Variants in CDH7 observed in about 807,000 individuals in gnomAD.
The protein encoded by CDH7 is cadherin 7, also known as cadherin-7.
A neutral mutation model predicts 71.8 loss-of-function variants in CDH7; 25 were observed. That is an observed-to-expected ratio of 0.35 (90% CI 0.25 to 0.49). The LOEUF is 0.49. Among genes scored for constraint, CDH7 ranks in the 20% least tolerant of loss-of-function variants. The pLI, the probability that CDH7 is intolerant of heterozygous loss-of-function variation, is 0.99. For missense variants in CDH7, 862 were observed against 974.6 expected (o/e 0.88, Z 1.54); for synonymous variants, 381 against 363.8 (o/e 1.05, Z -0.54).
rs149626265 is a variant in CDH7 at position 65,848,214 on chromosome 18, A to G, written c.1235+4149A>G. ...GGTAAAAGATGTAAGAACAGCCTAG[A>G]GTCTAGAGGATTTGACTCATTTCTC... On this transcript the variant is annotated intron_variant, in intron 7 of 11. Coordinates refer to ENST00000397968, the MANE Select transcript of CDH7 (RefSeq NM_004361.5). Among the ~76,000 whole-genome samples the G allele has an allele frequency of 1.9e-3, 288 of 152,278 alleles. 3 individuals are homozygous for G. The highest frequency in any genetic ancestry group is 6.5e-3 in the African/African-American group (271 of 41,562).
chr18:65,820,930 G>C (rs1168712454), intron 4 of CDH7, among the ~76,000 whole-genome samples: 2 of 151,794 alleles, frequency 1.3e-5, no homozygotes, highest in African/African-American at 4.8e-5. Context: ...ATATTAGAAG[G>C]AAAAATGAGA....
intron 11 of CDH7, among the ~76,000 whole-genome samples, chr18:65,872,867 A>T (rs1009567834): frequency 6.6e-6 from 1 of 152,118 alleles, no homozygotes; most frequent in Admixed American, 6.6e-5. Flanking sequence ...CCTGGGTGAC[A>T]GAGTGAGAAA....
intron 2 of CDH7, among the ~76,000 whole-genome samples, chr18:65,764,705 C>A (rs937026832): frequency 6.6e-6 from 1 of 151,902 alleles, no homozygotes; most frequent in Non-Finnish European, 1.5e-5. Context: ...TATTTTGTGA[C>A]AATGTAAAAT....
intron 2 of CDH7, among the ~76,000 whole-genome samples, chr18:65,786,749 T>A (rs1327510686): frequency 6.6e-6 from 1 of 152,070 alleles, no homozygotes; most frequent in Non-Finnish European, 1.5e-5. Context: ...AGTGGTGCAG[T>A]CATAGCTCAC....
At chr18:65,869,585 C>CTTTTTTTTTTT in intron 11 of CDH7, among the ~76,000 whole-genome samples, 1 of 106,334 alleles carries the variant, frequency 9.4e-6, no homozygotes, top group Non-Finnish European at 1.8e-5. Flanking sequence ...TGAAGACGCA[C>CTTTTTTTTTTT]TTCTTTGGCT....
At chr18:65,829,812 G>GTGTA (rs1440353431) in intron 6 of CDH7, among the ~76,000 whole-genome samples, 3 of 150,592 alleles carry the variant, frequency 2.0e-5, no homozygotes, top group African/African-American at 4.9e-5. Context: ...GTGTGTGTGT[G>GTGTA]TGTGTATTCA....
At chr18:65,850,373 A>T (rs1913105488) in intron 7 of CDH7, among the ~76,000 whole-genome samples, 1 of 151,524 alleles carries the variant, frequency 6.6e-6, no homozygotes, top group African/African-American at 2.4e-5. Flanking sequence ...CATTTTTTAA[A>T]AAAGAAGTTT....
intron 2 of CDH7, among the ~76,000 whole-genome samples, chr18:65,791,069 A>T (rs547517359): frequency 6.6e-6 from 1 of 152,340 alleles, no homozygotes; most frequent in East Asian, 1.9e-4. Context: ...GATTTCGTGA[A>T]TATTTTTACT....
intron 2 of CDH7, among the ~76,000 whole-genome samples, chr18:65,788,493 G>T (rs1420225382): frequency 6.6e-6 from 1 of 152,174 alleles, no homozygotes; most frequent in Non-Finnish European, 1.5e-5. Flanking sequence ...TAAAGTTCAT[G>T]TTGGTAGCTG....
chr18:65,849,388 T>C (rs531557520), intron 7 of CDH7, among the ~76,000 whole-genome samples: 72 of 134,526 alleles, frequency 5.4e-4, no homozygotes, highest in Non-Finnish European at 7.3e-4. Flanking sequence ...TCTTTTCTTT[T>C]CTTTTCTTTT....
chr18:65,781,792 T>TTTCTA (rs1568181386), intron 2 of CDH7, among the ~76,000 whole-genome samples: 18 of 68,326 alleles, frequency 2.6e-4, no homozygotes, highest in African/African-American at 1.6e-3. Flanking sequence ...CCTTCCTTCC[T>TTTCTA]TCCTTCCTTC....
At chr18:65,860,526 A>G (rs1480291795) in intron 10 of CDH7, among the ~76,000 whole-genome samples, 1 of 152,164 alleles carries the variant, frequency 6.6e-6, no homozygotes, top group East Asian at 1.9e-4. Context: ...AGAACCTGCT[A>G]TCATTGTCTA....
chr18:65,802,373 T>G (rs1444922370), intron 2 of CDH7, among the ~76,000 whole-genome samples: 1 of 152,234 alleles, frequency 6.6e-6, no homozygotes. Flanking sequence ...AATTATTTGG[T>G]GAGCTGACTA....
intron 2 of CDH7, among the ~76,000 whole-genome samples, chr18:65,768,574 G>A (rs1023412457): frequency 6.6e-6 from 1 of 152,140 alleles, no homozygotes; most frequent in East Asian, 1.9e-4. Context: ...AAACTGAAAC[G>A]ATGATTGAGT....
intron 4 of CDH7, among the ~76,000 whole-genome samples, chr18:65,817,361 T>G (rs1360934502): frequency 6.6e-6 from 1 of 152,170 alleles, no homozygotes; most frequent in Admixed American, 6.5e-5. Flanking sequence ...GAAAGCTTGC[T>G]GAGAACATCC....
At chr18:65,805,251 G>T (rs967577251) in intron 2 of CDH7, among the ~76,000 whole-genome samples, 5 of 152,158 alleles carry the variant, frequency 3.3e-5, no homozygotes, top group African/African-American at 1.2e-4. Context: ...CAAGACAGTT[G>T]TAAGACTTCA....
intron 1 of CDH7, among the ~76,000 whole-genome samples, chr18:65,758,354 A>G (rs781076014): frequency 3.9e-5 from 6 of 152,160 alleles, no homozygotes. Flanking sequence ...GAAGGCAAAC[A>G]TTTGTGAAAG....
At chr18:65,758,103 T>C (rs1047310430) in intron 1 of CDH7, among the ~76,000 whole-genome samples, 2 of 152,248 alleles carry the variant, frequency 1.3e-5, no homozygotes, top group Non-Finnish European at 2.9e-5. Flanking sequence ...TTGTGGTATC[T>C]TTCTACATGT....
chr18:65,857,335 A>G (rs2144026955), intron 7 of CDH7, among the ~76,000 whole-genome samples: 1 of 143,724 alleles, frequency 7.0e-6, no homozygotes, highest in African/African-American at 2.6e-5. Context: ...TAATAATAAT[A>G]ATAATAATAA....
Sources: gnomAD v4.1 joint callset for allele counts (sites outside exome capture counted in the v4.1 genomes callset) on GRCh38, gnomAD v4.1.1 for gene constraint, MANE v1.5 for transcripts, NCBI Gene and HGNC (gene_info 2026-07-23, HGNC 2026-07-21) for gene names.